Variants in YWHAE observed in about 807,000 individuals in gnomAD.
YWHAE encodes tyrosine 3-monooxygenase/tryptophan 5-monooxygenase activation protein epsilon.
Under a neutral mutation model 30.1 loss-of-function variants are expected in YWHAE, and 4 were observed. That is an observed-to-expected ratio of 0.13 (90% CI 0.07 to 0.30). The LOEUF (loss-of-function observed/expected upper bound fraction) is 0.30. Ranked by LOEUF, YWHAE falls within the 10% of genes least tolerant of loss-of-function variation. The pLI is 1.00. For missense variants in YWHAE, 121 were observed against 315.9 expected, an observed-to-expected ratio of 0.38 and a Z score of 4.68; for synonymous variants, 118 against 111.8, an observed-to-expected ratio of 1.06 and a Z score of -0.35.
At chr17:1,397,366 C>T (rs974300085) in intron 1 of YWHAE, among the ~76,000 whole-genome samples, 1 of 152,170 alleles carries the variant, frequency 6.6e-6, no homozygotes, top group Non-Finnish European at 1.5e-5. Flanking sequence ...ATCTTCAACT[C>T]CCAGCCCCAA....
chr17:1,349,879 G>A (rs936318516), intron 5 of YWHAE, among the ~76,000 whole-genome samples: 1 of 151,994 alleles, frequency 6.6e-6, no homozygotes, highest in South Asian at 2.1e-4. Context: ...CTCCCAAAGT[G>A]CTGGGATTAA....
rs1284133638 is a variant in YWHAE, at chr17:1,384,443, G to A, written c.64+15604C>T. Among the ~76,000 whole-genome samples the A allele has an allele frequency of 3.3e-5, 5 of 151,300 alleles. No homozygotes were observed. In the East Asian group the frequency reaches 1.0e-3, roughly 30 times the overall value. ...GCGGTGGCTCACGCCTGTAATCCCAGCACTTTGGGAGGCCAAGGCGGGCAG... is the reference window on the plus strand; with the variant it reads ...GCGGTGGCTCACGCCTGTAATCCCAACACTTTGGGAGGCCAAGGCGGGCAG... On this transcript the variant is annotated intron_variant, in intron 1 of 5. Coordinates refer to ENST00000264335, the MANE Select transcript of YWHAE (RefSeq NM_006761.5).
intron 4 of YWHAE, 49 bp downstream of exon 4, chr17:1,361,043 C>G (rs1439331578): frequency 1.3e-6 from 2 of 1,548,690 alleles, no homozygotes; most frequent in Admixed American, 3.4e-5. Flanking sequence ...CCAAACAGCG[C>G]CCCCCTTAAC....
intron 1 of YWHAE, chr17:1,399,351 G>A (rs978640513): frequency 2.6e-5 from 4 of 152,282 alleles, no homozygotes; most frequent in African/African-American, 9.7e-5. Flanking sequence ...TCACTACGAG[G>A]TGCCGGCCTA....
At chr17:1,388,753 G>A (rs2073345447) in intron 1 of YWHAE, among the ~76,000 whole-genome samples, 1 of 151,938 alleles carries the variant, frequency 6.6e-6, no homozygotes, top group South Asian at 2.1e-4. Flanking sequence ...ATATTTTAAT[G>A]TTTCCTAAGT....
intron 5 of YWHAE, among the ~76,000 whole-genome samples, chr17:1,348,942 C>T (rs547972523): frequency 2.0e-5 from 3 of 151,366 alleles, no homozygotes; most frequent in Non-Finnish European, 2.9e-5. Context: ...AGGAGAATGG[C>T]GTGAACCCGG....
At chr17:1,379,995 C>G (rs970529752) in intron 1 of YWHAE, among the ~76,000 whole-genome samples, 3 of 152,062 alleles carry the variant, frequency 2.0e-5, no homozygotes, top group Non-Finnish European at 4.4e-5. Flanking sequence ...CCACATACCA[C>G]GTGCACTTTT....
chr17:1,353,727 G>C (rs1431664591), intron 5 of YWHAE, among the ~76,000 whole-genome samples: 1 of 149,776 alleles, frequency 6.7e-6, no homozygotes, highest in Non-Finnish European at 1.5e-5. Flanking sequence ...TTGAGCCACC[G>C]CACTCCAGCC....
chr17:1,371,839 CTTT>C (rs368590864), intron 1 of YWHAE, among the ~76,000 whole-genome samples: 4 of 138,524 alleles, frequency 2.9e-5, no homozygotes, highest in Admixed American at 7.3e-5. Context: ...TGACCCTGTA[CTTT>C]TTTTTTTTTT....
Position 1,361,397 on chromosome 17 carries a change from G to C in YWHAE, c.372-99C>G, listed in dbSNP as rs1020056959. 41 of 946,150 alleles carry C rather than the reference G, an allele frequency of 4.3e-5. No individual in the cohort carries two copies. In the South Asian group the frequency reaches 8.1e-4, roughly 19 times the overall value. The allele number at this position is 946,150 out of a possible 1,614,324, so 58.6% of individuals were successfully genotyped here. Reference sequence around the variant, plus strand: ...AATTGTTCTATATTATATAAAATGTGACAAAAATATATGTAACAATTAGGT... The same window carrying C: ...AATTGTTCTATATTATATAAAATGTCACAAAAATATATGTAACAATTAGGT... On this transcript the variant is annotated intron_variant, in intron 3 of 5. Transcript: ENST00000264335.
At chr17:1,351,637 T>C (rs888309584) in intron 5 of YWHAE, among the ~76,000 whole-genome samples, 2 of 152,116 alleles carry the variant, frequency 1.3e-5, no homozygotes, top group Non-Finnish European at 2.9e-5. Flanking sequence ...TACAACTTTT[T>C]TTCTTCCCTG....
At chr17:1,384,477 G>A (rs1014889279) in intron 1 of YWHAE, among the ~76,000 whole-genome samples, 3 of 150,658 alleles carry the variant, frequency 2.0e-5, no homozygotes, top group African/African-American at 4.9e-5. Flanking sequence ...AGATCACAAC[G>A]TCAGGAGATC....
chr17:1,398,167 C>G (rs946877559), intron 1 of YWHAE, among the ~76,000 whole-genome samples: 6 of 152,248 alleles, frequency 3.9e-5, no homozygotes, highest in African/African-American at 1.4e-4. Context: ...AGAAAGCATT[C>G]AAGTACAATT....
intron 1 of YWHAE, among the ~76,000 whole-genome samples, chr17:1,396,361 T>C (rs2073471394): frequency 1.3e-5 from 2 of 149,520 alleles, no homozygotes; most frequent in Admixed American, 6.7e-5. Context: ...GAGGCGGAGG[T>C]TGCAGTGGGC....
In YWHAE at chr17:1,400,216, T is replaced by C. The variant is rs904755067; in HGVS notation, c.-106A>G. ...TCCGGGCAGCAAAAATGGCGGCGCCTCAATCCGGGACTTCCGCCTGCGCAC... is the reference window on the plus strand; with the variant it reads ...TCCGGGCAGCAAAAATGGCGGCGCCCCAATCCGGGACTTCCGCCTGCGCAC... On this transcript the variant is annotated 5_prime_UTR_variant, in exon 1 of 6. Transcript: ENST00000264335. The C allele has an allele frequency of 6.7e-6, 9 of 1,340,100 alleles. No individual in the cohort carries two copies. In the Admixed American group the frequency reaches 1.0e-4, roughly 16 times the overall value. The allele number at this position is 1,340,100 out of a possible 1,614,324, so 83.0% of individuals were successfully genotyped here.
At chr17:1,395,421 T>G (rs2073453750) in intron 1 of YWHAE, among the ~76,000 whole-genome samples, 1 of 151,856 alleles carries the variant, frequency 6.6e-6, no homozygotes, top group South Asian at 2.1e-4. Context: ...CCCAGCTACT[T>G]GGGAGGCTGA....
chr17:1,347,608 C>T (rs923164931), intron 5 of YWHAE, among the ~76,000 whole-genome samples: 1 of 152,172 alleles, frequency 6.6e-6, no homozygotes, highest in Non-Finnish European at 1.5e-5. Context: ...GGGCACCCAA[C>T]TGTTCTCCAA....
chr17:1,370,189 T>G (rs1020605246), intron 1 of YWHAE, among the ~76,000 whole-genome samples: 7 of 137,988 alleles, frequency 5.1e-5, no homozygotes, highest in Non-Finnish European at 1.1e-4. Flanking sequence ...TGCCTGGGCG[T>G]GATCTCGGCT....
At chr17:1,393,042 A>G (rs1278583569) in intron 1 of YWHAE, among the ~76,000 whole-genome samples, 1 of 151,882 alleles carries the variant, frequency 6.6e-6, no homozygotes, top group Non-Finnish European at 1.5e-5. Flanking sequence ...CATCTCTACT[A>G]AAACACAAAA....
Sources: gnomAD v4.1 joint callset for allele counts (sites outside exome capture counted in the v4.1 genomes callset) on GRCh38, gnomAD v4.1.1 for gene constraint, MANE v1.5 for transcripts, NCBI Gene and HGNC (gene_info 2026-07-23, HGNC 2026-07-21) for gene names.